CFAP20DC: variants seen among roughly 807,000 people sequenced by gnomAD.
CFAP20DC encodes the protein CFAP20 domain containing.
In CFAP20DC, 84 loss-of-function variants were observed where a neutral mutation model predicts 101.7. That is an observed-to-expected ratio of 0.83 (90% CI 0.69 to 0.99). CFAP20DC has a LOEUF of 0.99. Among genes scored for constraint, CFAP20DC ranks in the 50% least tolerant of loss-of-function variants. The pLI, the probability that CFAP20DC is intolerant of heterozygous loss-of-function variation, is 0.00. For synonymous variants in CFAP20DC, 359 were observed against 351.2 expected (o/e 1.02, Z -0.25); for missense variants, 1,007 against 970.3 (o/e 1.04, Z -0.50).
intron 4 of CFAP20DC, among the ~76,000 whole-genome samples, chr3:58,988,060 A>G (rs910262363): frequency 1.3e-5 from 2 of 152,148 alleles, no homozygotes; most frequent in Non-Finnish European, 2.9e-5. Context: ...AATAAAGGAA[A>G]GAAAACTCAG....
intron 15 of CFAP20DC, among the ~76,000 whole-genome samples, chr3:58,805,883 T>C (rs1482839717): frequency 6.6e-6 from 1 of 152,214 alleles, no homozygotes; most frequent in African/African-American, 2.4e-5. Flanking sequence ...AATTTTGAGA[T>C]TATAAACTTT....
chr3:58,832,031 C>G (rs1220672466), intron 13 of CFAP20DC, 142 bp from the exon 14 acceptor site: 3 of 673,332 alleles, frequency 4.5e-6, no homozygotes, highest in Non-Finnish European at 7.8e-6. Flanking sequence ...GCGCTACCTG[C>G]CCCATCCATT....
chr3:58,723,782 G>C (rs935114524), intron 3 of CFAP20DC, among the ~76,000 whole-genome samples: 1 of 152,190 alleles, frequency 6.6e-6, no homozygotes, highest in Admixed American at 6.5e-5. Flanking sequence ...ATTAAATAAT[G>C]CAAGTAATGC....
chr3:58,825,209 T>G (rs2075959838), intron 14 of CFAP20DC, among the ~76,000 whole-genome samples: 1 of 152,112 alleles, frequency 6.6e-6, no homozygotes, highest in Admixed American at 6.6e-5. Flanking sequence ...CAGGTCTCAG[T>G]CGTCATAAAA....
chr3:58,744,948 C>A (rs2068094131), intron 16 of CFAP20DC, among the ~76,000 whole-genome samples: 1 of 152,172 alleles, frequency 6.6e-6, no homozygotes, highest in Non-Finnish European at 1.5e-5. Flanking sequence ...TGATGAGCTT[C>A]TGTGACTCTG....
chr3:58,958,778 C>G (rs910410399), intron 4 of CFAP20DC, among the ~76,000 whole-genome samples: 2 of 152,000 alleles, frequency 1.3e-5, no homozygotes, highest in African/African-American at 2.4e-5. Flanking sequence ...CTATTCAAAC[C>G]TTTTACCAAA....
rs376330814 is a variant in CFAP20DC, at chr3:58,949,794, A to T, written c.279-12032T>A. ...CTCAAAATAATAAGAGCTATCTATG[A>T]CAAACCCACAGCCAGTATCATACTG... On this transcript the variant is annotated intron_variant, in intron 4 of 16. Coordinates refer to ENST00000482387, the MANE Select transcript of CFAP20DC (RefSeq NM_001394063.1). 2.0e-5 allele frequency among the ~76,000 whole-genome samples: 3 copies of T among 152,352 alleles called. No individual in the cohort carries two copies. The East Asian group carries it at 5.8e-4, about 29-fold the overall frequency.
intron 4 of CFAP20DC, among the ~76,000 whole-genome samples, chr3:59,034,551 T>C (rs2094058478): frequency 6.6e-6 from 1 of 152,050 alleles, no homozygotes; most frequent in South Asian, 2.1e-4. Context: ...AATCCTAGTC[T>C]CTGATAAAAC....
At chr3:58,811,399 C>A (rs1460996350) in intron 14 of CFAP20DC, among the ~76,000 whole-genome samples, 3 of 151,896 alleles carry the variant, frequency 2.0e-5, no homozygotes, top group Non-Finnish European at 2.9e-5. Context: ...GAAATAACGC[C>A]GCATATCTAC....
At position 58,799,701 on chromosome 3, in the gene CFAP20DC, A is replaced by G. The variant is rs1285770259; in HGVS notation, c.2237+6694T>C. On this transcript the variant is annotated intron_variant, in intron 15 of 16. Transcript: ENST00000482387. This position sits in a 1 kb window ranked among gnomAD's most constrained non-coding sequence, Gnocchi z 4.9. ...TGCAGTTTACATTCCAGCATTCGAG[A>G]AGGAGCAGTGTGTGTGTGTCTGTGT... 6.6e-6 allele frequency among the ~76,000 whole-genome samples: 1 copy of G among 150,974 alleles called. No individual in the cohort carries two copies. Among genetic ancestry groups the G allele is most frequent in the African/African-American group, 2.4e-5 (1 of 40,852 alleles).
At chr3:58,950,216 C>T (rs561202508) in intron 4 of CFAP20DC, among the ~76,000 whole-genome samples, 24 of 151,678 alleles carry the variant, frequency 1.6e-4, no homozygotes, top group Admixed American at 1.4e-3. Context: ...CTTACAAGGA[C>T]CTCTTCAAGG....
intron 4 of CFAP20DC, among the ~76,000 whole-genome samples, chr3:59,013,396 G>C (rs1280354108): frequency 6.6e-6 from 1 of 152,132 alleles, no homozygotes; most frequent in African/African-American, 2.4e-5. Context: ...GTTCACTTAT[G>C]TTATTAATGT....
chr3:58,901,337 G>A (rs914276305), intron 6 of CFAP20DC, among the ~76,000 whole-genome samples: 2 of 152,234 alleles, frequency 1.3e-5, no homozygotes, highest in African/African-American at 4.8e-5. Context: ...GTGGTTAAGA[G>A]CACAGGCTCT....
At chr3:58,855,831 A>C (rs868783297) in intron 12 of CFAP20DC, among the ~76,000 whole-genome samples, 4 of 104,584 alleles carry the variant, frequency 3.8e-5, no homozygotes, top group African/African-American at 1.5e-4. Flanking sequence ...TCTGGGGACT[A>C]TTGTGGGGTG....
intron 15 of CFAP20DC, among the ~76,000 whole-genome samples, chr3:58,793,551 C>CA (rs1013685197): frequency 1.1e-4 from 17 of 151,296 alleles, no homozygotes; most frequent in East Asian, 3.9e-4. Context: ...GGGCAGATGG[C>CA]AAAAAAAACA....
chr3:58,934,972 G>A lies in CFAP20DC; in HGVS notation c.393+2676C>T, dbSNP rs192764551. Among the ~76,000 whole-genome samples the A allele has an allele frequency of 5.2e-3, 794 of 152,268 alleles. 5 individuals are homozygous for A. The highest frequency in any genetic ancestry group is 0.017 in the African/African-American group (718 of 41,552). On this transcript the variant is annotated intron_variant, in intron 5 of 16. Coordinates refer to ENST00000482387, the MANE Select transcript of CFAP20DC (RefSeq NM_001394063.1). ...AAGGGGTATTCCATTAGGAAAAGAG[G>A]AAGTCAAATTGTCCCTGTTTGCAGA...
At chr3:58,833,966 T>C (rs2076567915) in intron 13 of CFAP20DC, among the ~76,000 whole-genome samples, 1 of 152,182 alleles carries the variant, frequency 6.6e-6, no homozygotes, top group East Asian at 1.9e-4. Context: ...TTGTGTGATT[T>C]ACTTTATATG....
chr3:58,981,976 T>C (rs1362949663), intron 4 of CFAP20DC, among the ~76,000 whole-genome samples: 2 of 151,906 alleles, frequency 1.3e-5, no homozygotes, highest in Admixed American at 6.6e-5. Flanking sequence ...AGGGCTAATA[T>C]CCAGAATCTA....
intron 4 of CFAP20DC, among the ~76,000 whole-genome samples, chr3:58,987,037 T>A (rs544798050): frequency 9.7e-4 from 148 of 152,038 alleles, no homozygotes; most frequent in African/African-American, 3.3e-3. Flanking sequence ...TTCTAGAAAT[T>A]GAAATAATTT....
Sources: gnomAD v4.1 joint callset for allele counts (sites outside exome capture counted in the v4.1 genomes callset) on GRCh38, gnomAD v4.1.1 for gene constraint, Gnocchi (gnomAD v3.1) non-coding constraint, MANE v1.5 for transcripts, NCBI Gene and HGNC (gene_info 2026-07-23, HGNC 2026-07-21) for gene names.